The following NR1H4 variants were observed in gnomAD, a reference collection of about 807,000 sequenced individuals.
NR1H4 encodes bile acid receptor.
A neutral mutation model predicts 58.5 loss-of-function variants in NR1H4; 23 were observed. The ratio of observed to expected loss-of-function variants is 0.39; its 90% CI spans 0.28 to 0.56. NR1H4 has a LOEUF of 0.56. Among genes scored for constraint, NR1H4 ranks in the 20% least tolerant of loss-of-function variants. NR1H4 has a pLI of 0.58. For synonymous variants in NR1H4, 214 were observed against 198.0 expected (o/e 1.08, Z -0.68); for missense variants, 487 against 576.9 (o/e 0.84, Z 1.60).
chr12:100,503,847 A>G (rs1234932890), intron 3 of NR1H4, among the ~76,000 whole-genome samples: 1 of 152,196 alleles, frequency 6.6e-6, no homozygotes, highest in African/African-American at 2.4e-5. Context: ...GTGCTCCTAA[A>G]ATGGCAAGTC....
At chr12:100,547,963 G>A (rs1041998052) in intron 9 of NR1H4, among the ~76,000 whole-genome samples, 56 of 150,716 alleles carry the variant, frequency 3.7e-4, no homozygotes, top group East Asian at 2.6e-3. Context: ...CTCATGATTC[G>A]CCCGCCTTGG....
At chr12:100,509,913 G>GCACA (rs1213906374) in intron 3 of NR1H4, among the ~76,000 whole-genome samples, 44 of 145,810 alleles carry the variant, frequency 3.0e-4, no homozygotes, top group African/African-American at 1.1e-3. Flanking sequence ...GGGCACGTGC[G>GCACA]CGCACACACA....
rs1954775313 is a variant in NR1H4, at chr12:100,534,754, T to C, written c.599-136T>C. 5.2e-6 allele frequency: 5 copies of C among 963,760 alleles called. No individual in the cohort carries two copies. In the Admixed American group the frequency reaches 8.0e-5, roughly 15 times the overall value. The allele number at this position is 963,760 out of a possible 1,614,324, so 59.7% of individuals were successfully genotyped here. On this transcript the variant is annotated intron_variant, in intron 5 of 10. Transcript: ENST00000392986. ...AAACCTTGGCCTTCCCTTTCTAAAA[T>C]GCATAAAAGGCTAGCGTTAGTTCTG...
intron 4 of NR1H4, among the ~76,000 whole-genome samples, chr12:100,516,076 C>A (rs185564875): frequency 6.6e-6 from 1 of 152,198 alleles, no homozygotes. Flanking sequence ...TAAGGCCACT[C>A]ATCTGGCCAA....
Position 100,534,994 on chromosome 12 carries a change from C to T in NR1H4, c.703C>T (p.Gln235Ter). 1.9e-6 allele frequency: 3 copies of T among 1,614,210 alleles called. No individual in the cohort carries two copies. Among genetic ancestry groups the T allele is most frequent in the Non-Finnish European group, 2.5e-6 (3 of 1,180,036 alleles). ...AGACAGTGAAGGTCGTGACTTGCGA[C>T]AAGTGACCTCGACAACAAAGTCATG... ...NEDSEGRDLR[Q>*]VTSTTKSCRE... The change falls in exon 6 of 11, where the codon CAA becomes TAA. Residue 235 changes from glutamine (Q) to a stop codon, truncating the protein, a stop_gained. Coordinates refer to ENST00000392986, the MANE Select transcript of NR1H4 (RefSeq NM_001206979.2). LOFTEE classifies it high-confidence loss of function.
chr12:100,511,886 C>T (rs964853268), intron 4 of NR1H4, among the ~76,000 whole-genome samples: 1 of 151,548 alleles, frequency 6.6e-6, no homozygotes, highest in African/African-American at 2.4e-5. Context: ...CGCACCATTG[C>T]ACTCCAGCCT....
intron 3 of NR1H4, among the ~76,000 whole-genome samples, chr12:100,504,947 C>T (rs755468020): frequency 3.9e-5 from 6 of 152,144 alleles, no homozygotes; most frequent in Non-Finnish European, 8.8e-5. Flanking sequence ...CTGGGGCAGA[C>T]CTCCCAGAGT....
intron 4 of NR1H4, among the ~76,000 whole-genome samples, chr12:100,514,072 A>G (rs1954202090): frequency 6.6e-6 from 1 of 152,206 alleles, no homozygotes; most frequent in South Asian, 2.1e-4. Flanking sequence ...AGCTTATAGG[A>G]TGGCATCTTT....
At chr12:100,554,609 T>C (rs1955282047) in intron 9 of NR1H4, among the ~76,000 whole-genome samples, 1 of 152,054 alleles carries the variant, frequency 6.6e-6, no homozygotes, top group African/African-American at 2.4e-5. Context: ...GGAAAACAAA[T>C]AGGAAACAGG....
intron 9 of NR1H4, among the ~76,000 whole-genome samples, chr12:100,542,822 T>C (rs1954969126): frequency 6.6e-6 from 1 of 152,156 alleles, no homozygotes; most frequent in South Asian, 2.1e-4. Flanking sequence ...ATTAGCATCA[T>C]TGGTAGATTT....
At chr12:100,527,392 G>A (rs1467918238) in intron 4 of NR1H4, among the ~76,000 whole-genome samples, 1 of 152,152 alleles carries the variant, frequency 6.6e-6, no homozygotes, top group Non-Finnish European at 1.5e-5. Flanking sequence ...TAATAGCTGG[G>A]CATGGTGGGG....
chr12:100,537,050 ATT>A lies in NR1H4; in HGVS notation c.931+8_931+9del. On this transcript the variant is annotated splice_donor_5th_base_variant and intron_variant, in intron 8 of 10. Coordinates refer to ENST00000392986, the MANE Select transcript of NR1H4 (RefSeq NM_001206979.2). ...AGAATTCACAAAAAAGCTACCAGGT[ATT>A]TTTTAAATAATCAAAGTTAATATTT... 6.5e-7 allele frequency: 1 copy of A among 1,537,076 alleles called. No individual in the cohort carries two copies. The highest frequency in any genetic ancestry group is 9.0e-7 in the Non-Finnish European group (1 of 1,115,680).
In NR1H4 at chr12:100,510,827, G is replaced by A. The variant is rs1378162610; in HGVS notation, c.129G>A (p.Val43=). ...VAGPLGQNLE[V]EPYSQYSNVQ... is the part of the protein sequence containing the mutation. ...GTCCTCTGGGACAGAACCTGGAAGTGGAACCATACTCGCAATACAGCAATG... is the reference window on the plus strand; with the variant it reads ...GTCCTCTGGGACAGAACCTGGAAGTAGAACCATACTCGCAATACAGCAATG... The change falls in exon 4 of 11, where the codon GTG becomes GTA. Residue 43 remains valine (V), a synonymous_variant. Transcript: ENST00000392986. 10 of 1,614,022 alleles carry A rather than the reference G, an allele frequency of 6.2e-6. No individual in the cohort carries two copies. Among genetic ancestry groups the A allele is most frequent in the Non-Finnish European group, 7.6e-6 (9 of 1,179,974 alleles).
chr12:100,482,368 T>A (rs1448543835), intron 1 of NR1H4, among the ~76,000 whole-genome samples: 1 of 152,216 alleles, frequency 6.6e-6, no homozygotes, highest in Non-Finnish European at 1.5e-5. Flanking sequence ...ATTTCTGTCC[T>A]ATGGCCTAAG....
At chr12:100,478,398 T>C (rs1193074503) in intron 1 of NR1H4, among the ~76,000 whole-genome samples, 1 of 152,190 alleles carries the variant, frequency 6.6e-6, no homozygotes, top group East Asian at 1.9e-4. Context: ...AAACCCTTCT[T>C]TTCTGGAGAA....
intron 4 of NR1H4, among the ~76,000 whole-genome samples, chr12:100,521,183 A>T (rs79704321): frequency 0.021 from 3,229 of 152,014 alleles, 130 homozygotes; most frequent in East Asian, 0.15. Flanking sequence ...TTTCCTCATT[A>T]CATTGGTCTC....
At chr12:100,488,477 A>G (rs147451951) in intron 1 of NR1H4, among the ~76,000 whole-genome samples, 1 of 152,350 alleles carries the variant, frequency 6.6e-6, no homozygotes, top group Admixed American at 6.5e-5. Context: ...AAATCCTGAA[A>G]TTTTAAAAAA....
intron 9 of NR1H4, among the ~76,000 whole-genome samples, chr12:100,556,150 C>A (rs1955317386): frequency 2.0e-5 from 3 of 151,858 alleles, no homozygotes; most frequent in Admixed American, 2.0e-4. Flanking sequence ...AATTTAAATC[C>A]AAAAAAATTA....
At chr12:100,550,847 A>G (rs1381537366) in intron 9 of NR1H4, among the ~76,000 whole-genome samples, 3 of 152,204 alleles carry the variant, frequency 2.0e-5, no homozygotes, top group Non-Finnish European at 4.4e-5. Context: ...GTATGACAAT[A>G]TATCTCATGT....
Sources: gnomAD v4.1 joint callset for allele counts (sites outside exome capture counted in the v4.1 genomes callset) on GRCh38, gnomAD v4.1.1 for gene constraint, MANE v1.5 for transcripts, NCBI Gene and HGNC (gene_info 2026-07-23, HGNC 2026-07-21) for gene names.